The following PHKA1 variants were observed in gnomAD, a reference collection of about 807,000 sequenced individuals.
The protein encoded by PHKA1 is phosphorylase kinase regulatory subunit alpha 1, also known as phosphorylase b kinase regulatory subunit alpha, skeletal muscle isoform.
In PHKA1, 60 loss-of-function variants were observed where a neutral mutation model predicts 110.2. The observed-to-expected ratio is 0.54, with a 90% CI of 0.44 to 0.68. The LOEUF (loss-of-function observed/expected upper bound fraction) is 0.68, where lower values mean the gene tolerates loss of function less well. Ranked by LOEUF, PHKA1 falls within the 30% of genes least tolerant of loss-of-function variation. PHKA1 has a pLI of 0.00. For synonymous variants in PHKA1, 316 were observed against 333.6 expected, an observed-to-expected ratio of 0.95 and a Z score of 0.58; for missense variants, 801 against 942.5, an observed-to-expected ratio of 0.85 and a Z score of 1.97.
intron 21 of PHKA1, among the ~76,000 whole-genome samples, chrX:72,612,880 C>T (rs1168669640): frequency 2.7e-5 from 3 of 111,332 alleles, no homozygotes; most frequent in African/African-American, 9.8e-5. Context: ...AATAGAGCTC[C>T]CAGCTGGGAC....
At chrX:72,593,303 T>C (rs1556228696) in intron 28 of PHKA1, 29 bp from the exon 29 acceptor site, 2 of 1,076,402 alleles carry the variant, frequency 1.9e-6, no homozygotes, top group Admixed American at 4.5e-5. Flanking sequence ...AGAACATAAA[T>C]CAAAAGTTAT....
chrX:72,704,026 A>T (rs1350858794), intron 3 of PHKA1, among the ~76,000 whole-genome samples: 2 of 112,360 alleles, frequency 1.8e-5, no homozygotes, highest in Admixed American at 9.4e-5. Flanking sequence ...AAAAATTCGC[A>T]ATGCATATGA....
At chrX:72,704,447 T>G (rs1016481438) in intron 3 of PHKA1, among the ~76,000 whole-genome samples, 1 of 111,651 alleles carries the variant, frequency 9.0e-6, no homozygotes, top group Non-Finnish European at 1.9e-5. Flanking sequence ...ATGGTGTATA[T>G]ATACCATACA....
At chrX:72,684,783 A>C (rs1357079501) in intron 4 of PHKA1, among the ~76,000 whole-genome samples, 1 of 111,595 alleles carries the variant, frequency 9.0e-6, no homozygotes, top group African/African-American at 3.3e-5. Context: ...AGATATAAGC[A>C]TATTTCAACA....
intron 6 of PHKA1, among the ~76,000 whole-genome samples, chrX:72,668,697 A>G (rs782253289): frequency 9.0e-6 from 1 of 111,205 alleles, no homozygotes; most frequent in South Asian, 3.9e-4. Context: ...CCAGGCACAA[A>G]ATACTCATTA....
At chrX:72,650,956 C>T (rs1333160877) in intron 12 of PHKA1, among the ~76,000 whole-genome samples, 1 of 111,917 alleles carries the variant, frequency 8.9e-6, no homozygotes, top group Non-Finnish European at 1.9e-5. Flanking sequence ...TCAAGCAATC[C>T]TCCCGCTTTG....
intron 8 of PHKA1, among the ~76,000 whole-genome samples, chrX:72,662,165 T>C (rs2053567776): frequency 1.8e-5 from 2 of 112,066 alleles, no homozygotes; most frequent in South Asian, 7.5e-4. Context: ...TTCACACAAC[T>C]ATATTACTCC....
At chrX:72,619,066 T>C (rs2052938587) in intron 20 of PHKA1, 148 bp downstream of exon 20, 1 of 542,294 alleles carries the variant, frequency 1.8e-6, no homozygotes, top group Admixed American at 2.8e-5. Context: ...AATGTAAAAG[T>C]GAACTGAAAA....
chrX:72,681,444 T>G (rs1214824646), intron 5 of PHKA1, among the ~76,000 whole-genome samples: 22 of 47,592 alleles, frequency 4.6e-4, no homozygotes, highest in African/African-American at 6.5e-4. Context: ...GGGAGGGAGG[T>G]GGGGGGGTCA....
At chrX:72,590,160 C>T (rs1341077890) in intron 29 of PHKA1, among the ~76,000 whole-genome samples, 1 of 111,728 alleles carries the variant, frequency 9.0e-6, no homozygotes, top group Admixed American at 9.5e-5. Context: ...CATCACGCTA[C>T]CTGACATCAA....
At chrX:72,641,169 G>A (rs1272996904) in intron 14 of PHKA1, among the ~76,000 whole-genome samples, 1 of 110,971 alleles carries the variant, frequency 9.0e-6, no homozygotes, top group African/African-American at 3.3e-5. Flanking sequence ...AAAAAGAAAG[G>A]TATATTTTAT....
intron 16 of PHKA1, among the ~76,000 whole-genome samples, chrX:72,627,835 T>TTTTTA (rs1556283736): frequency 1.0e-5 from 1 of 100,443 alleles, no homozygotes; most frequent in Admixed American, 1.1e-4. Flanking sequence ...TTTTTTTTTT[T>TTTTTA]GAGACAGAGT....
At chrX:72,685,423 T>C (rs1556318510) in intron 4 of PHKA1, among the ~76,000 whole-genome samples, 3 of 111,784 alleles carry the variant, frequency 2.7e-5, no homozygotes, top group Non-Finnish European at 5.7e-5. Context: ...CAAGGTAGTT[T>C]TATTTTATCT....
intron 14 of PHKA1, among the ~76,000 whole-genome samples, chrX:72,638,917 T>A (rs2053262077): frequency 9.0e-6 from 1 of 111,279 alleles, no homozygotes; most frequent in Non-Finnish European, 1.9e-5. Flanking sequence ...GAATAGTGAG[T>A]TTATTCTTTG....
rs150950712 is a variant in PHKA1 at position 72,698,336 on chromosome X, A to G, written c.286-2460T>C. ...CTTAAAGAAAAATAAAAGCATTTAA[A>G]TCAGATACTAAAAAAGAATTGTCAA... On this transcript the variant is annotated intron_variant, in intron 3 of 31. Transcript: ENST00000373542. Among the ~76,000 whole-genome samples, 464 of 112,671 alleles carry G rather than the reference A, an allele frequency of 4.1e-3. 3 individuals are homozygous for G. The highest frequency in any genetic ancestry group is 0.014 in the African/African-American group (440 of 31,077).
rs1556276769 is a variant in PHKA1 at position 72,620,856 on chromosome X, G to A, written c.2006C>T (p.Ala669Val). Residue 669 changes from alanine (A) to valine (V), a missense_variant, in exon 19 of 32, where the codon GCG becomes GTG. Ala to Val is a moderately conservative substitution (Grantham distance 64, BLOSUM62 0). Transcript: ENST00000373542. The part of the protein sequence containing the change: ...EVARYLDHLL[A>V]HTAPHPKLAP... ...TAGTTTAGGATGGGGAGCAGTGTGC[G>A]CCAAAAGGTGATCTAAATAACGAGC... 7 of 1,210,550 alleles carry A rather than the reference G, an allele frequency of 5.8e-6. No individual in the cohort carries two copies. The Admixed American group carries it at 1.1e-4, about 19-fold the overall frequency.
chrX:72,695,803 G>T lies in PHKA1; in HGVS notation c.359C>A (p.Thr120Asn). Residue 120 changes from threonine (T) to asparagine (N), a missense_variant, in exon 4 of 32, where the codon ACC becomes AAC. This residue lies in a region of PHKA1 where 299 missense variants were observed against 423.3 expected (regional missense o/e 0.71). Transcript: ENST00000373542. ...ATCATCACCCACTACAGTGGCACAG[G>T]TTTTGGTGTTGTACTTTGCATGGAG... is the stretch of plus-strand genomic sequence containing the variant. ...DSLHAKYNTK[T>N]CATVVGDDQW... The T allele has an allele frequency of 1.7e-6, 2 of 1,204,010 alleles. No homozygotes were observed.
intron 25 of PHKA1, among the ~76,000 whole-genome samples, chrX:72,603,780 G>C (rs782686367): frequency 9.0e-6 from 1 of 111,132 alleles, no homozygotes; most frequent in Non-Finnish European, 1.9e-5. Context: ...ACCTAATCTT[G>C]AGTCTGACTA....
intron 8 of PHKA1, among the ~76,000 whole-genome samples, chrX:72,659,532 CAG>C (rs1556303139): frequency 4.5e-5 from 5 of 111,464 alleles, no homozygotes; most frequent in African/African-American, 1.6e-4. Context: ...CACAGACACA[CAG>C]ACACACACAC....
Sources: gnomAD v4.1 joint callset for allele counts (sites outside exome capture counted in the v4.1 genomes callset) on GRCh38, gnomAD v4.1.1 for gene constraint, gnomAD v4.1.1 regional missense constraint, MANE v1.5 for transcripts, NCBI Gene and HGNC (gene_info 2026-07-23, HGNC 2026-07-21) for gene names.